GET4: variants seen among roughly 807,000 people sequenced by gnomAD.
GET4 encodes the protein guided entry of tail-anchored proteins factor 4.
In GET4, 20 loss-of-function variants were observed where a neutral mutation model predicts 40.0. That is an observed-to-expected ratio of 0.50 (90% confidence interval 0.35 to 0.73). The LOEUF (loss-of-function observed/expected upper bound fraction) is 0.73. Ranked by LOEUF, GET4 falls within the 30% of genes least tolerant of loss-of-function variation. The pLI is 0.01. For synonymous variants in GET4, 280 were observed against 194.6 expected (o/e 1.44, Z -3.65); for missense variants, 557 against 454.0 (o/e 1.23, Z -2.06).
At chr7:894,698 C>T (rs960304503) in intron 8 of GET4, among the ~76,000 whole-genome samples, 1 of 152,228 alleles carries the variant, frequency 6.6e-6, no homozygotes, top group African/African-American at 2.4e-5. Flanking sequence ...CAGGGCGTGT[C>T]CTGAGATGGG....
intron 4 of GET4, among the ~76,000 whole-genome samples, chr7:890,651 A>C (rs545141727): frequency 1.8e-4 from 27 of 152,232 alleles, no homozygotes; most frequent in African/African-American, 6.5e-4. Context: ...TATCACAACG[A>C]ACATTAGTGC....
rs527878380 is a variant in GET4 at position 895,182 on chromosome 7, C to T, written c.896-152C>T. ...CCCTGGCCTCCAGAGTGTCCTGTCC[C>T]GGGGTTCCTGGGTCGTAGACAGTAG... On this transcript the variant is annotated intron_variant, in intron 8 of 8. Coordinates refer to ENST00000265857, the MANE Select transcript of GET4 (RefSeq NM_015949.3). 2.3e-4 allele frequency: 111 copies of T among 473,694 alleles called. 1 individual carries two copies. Among genetic ancestry groups the T allele is most frequent in the South Asian group, 9.9e-4 (28 of 28,312 alleles). 29.3% of individuals were successfully genotyped at this position (473,694 alleles called of 1,614,324 possible). A position where few individuals can be genotyped will look rare whatever the true frequency, so the allele number is the denominator to read the frequency against.
At chr7:884,179 T>C (rs1446617391) in intron 1 of GET4, 37 of 1,297,610 alleles carry the variant, frequency 2.9e-5, no homozygotes, top group East Asian at 5.6e-5. Context: ...CAGAAGCTGG[T>C]GTGGTGCTTG....
chr7:881,925 T>C (rs1302591658), intron 1 of GET4: 2 of 152,242 alleles, frequency 1.3e-5, no homozygotes, highest in Admixed American at 6.5e-5. Flanking sequence ...GGAAGTGTAG[T>C]GCCCGGGATT....
rs1321532359 is a variant in GET4, at chr7:876,776, A to C, written c.131A>C (p.Gln44Pro). 7.6e-7 allele frequency: 1 copy of C among 1,323,096 alleles called. No individual in the cohort carries two copies. Among genetic ancestry groups the C allele is most frequent in the African/African-American group, 1.6e-5 (1 of 63,760 alleles). 82.0% of individuals were successfully genotyped at this position (1,323,096 alleles called of 1,614,324 possible). ...AAGGGCGACTACTACGAGGCGCACCAGATGTACCGGACCCTGTTCTTCAGG... is the reference window on the plus strand; with the variant it reads ...AAGGGCGACTACTACGAGGCGCACCCGATGTACCGGACCCTGTTCTTCAGG... ...VEKGDYYEAHQMYRTLFFRYM... is the reference protein window; with the variant it reads ...VEKGDYYEAHPMYRTLFFRYM... Residue 44 changes from glutamine to proline, a missense_variant, in exon 1 of 9, where the codon CAG becomes CCG. Coordinates refer to ENST00000265857, the MANE Select transcript of GET4 (RefSeq NM_015949.3).
chr7:886,325 G>T, intron 2 of GET4, 191 bp downstream of exon 2: 1 of 608,756 alleles, frequency 1.6e-6, no homozygotes, highest in Admixed American at 2.9e-5. Flanking sequence ...GGGGCTCTGC[G>T]CTGCGTTTGT....
At chr7:879,341 C>T (rs1185411464) in intron 1 of GET4, among the ~76,000 whole-genome samples, 3 of 152,230 alleles carry the variant, frequency 2.0e-5, no homozygotes, top group Non-Finnish European at 2.9e-5. Flanking sequence ...GCAGCCCCAG[C>T]CACGGAGTGG....
chr7:877,181 C>T (rs1654603739), intron 1 of GET4, among the ~76,000 whole-genome samples: 1 of 140,066 alleles, frequency 7.1e-6, no homozygotes, highest in African/African-American at 2.7e-5. Context: ...CCGGCCGCCT[C>T]CCCCGCCCCA....
At chr7:894,310 T>C (rs1199720338) in intron 8 of GET4, among the ~76,000 whole-genome samples, 1 of 152,152 alleles carries the variant, frequency 6.6e-6, no homozygotes, top group Non-Finnish European at 1.5e-5. Context: ...CCCGGGACGC[T>C]GCCAGCCGTC....
At chr7:878,235 A>C in intron 1 of GET4, 1 of 470,486 alleles carries the variant, frequency 2.1e-6, no homozygotes, top group South Asian at 1.5e-5. Flanking sequence ...TGGAAGTTCC[A>C]GGCTGCTGCG....
chr7:892,540 TATATGC>T, intron 6 of GET4, 122 bp downstream of exon 6: 1 of 1,027,072 alleles, frequency 9.7e-7, no homozygotes, highest in African/African-American at 1.6e-5. Flanking sequence ...GCCGTGTGGG[TATATGC>T]ATAGGGTATG....
chr7:885,725 C>T (rs1390768257), intron 1 of GET4: 7 of 286,100 alleles, frequency 2.4e-5, no homozygotes, highest in Non-Finnish European at 4.7e-5. Flanking sequence ...ATCCCCTGCT[C>T]CTTCCCTGCG....
At chr7:883,679 C>T in intron 1 of GET4, 1 of 985,696 alleles carries the variant, frequency 1.0e-6, no homozygotes, top group Non-Finnish European at 1.2e-6. Flanking sequence ...CAGAGCCGGG[C>T]CGGGAGAAGG....
chr7:891,383 C>T (rs1254002144), intron 5 of GET4, among the ~76,000 whole-genome samples: 3 of 152,276 alleles, frequency 2.0e-5, no homozygotes, highest in South Asian at 2.1e-4. Flanking sequence ...TTCTTTCCCG[C>T]ACTATCTGGA....
At chr7:879,885 T>G (rs907424094) in intron 1 of GET4, 2 of 152,214 alleles carry the variant, frequency 1.3e-5, no homozygotes, top group East Asian at 1.9e-4. Context: ...TCAACCCGAT[T>G]GTTCTTCAGG....
At chr7:880,373 C>T (rs997605651) in intron 1 of GET4, 2 of 152,224 alleles carry the variant, frequency 1.3e-5, no homozygotes, top group Admixed American at 1.3e-4. Context: ...AGTGATTAAC[C>T]AGCAAAAATG....
chr7:892,310 C>A lies in GET4; in HGVS notation c.638C>A (p.Ser213Ter). 6.3e-7 allele frequency: 1 copy of A among 1,592,590 alleles called. No individual in the cohort carries two copies. Among genetic ancestry groups the A allele is most frequent in the Non-Finnish European group, 8.6e-7 (1 of 1,161,850 alleles). ...TGTTTAAAAAACAAAAGTAGCGCAT[C>A]GGTGGTCTTCACGACGTACACCCAG... is the stretch of plus-strand genomic sequence containing the variant. ...FLCLKNKSSA[S>*]VVFTTYTQKH... Residue 213 changes from serine to a stop codon, truncating the protein, a stop_gained, in exon 6 of 9, where the codon TCG becomes TAG. Coordinates refer to ENST00000265857, the MANE Select transcript of GET4 (RefSeq NM_015949.3). LOFTEE classifies it high-confidence loss of function.
chr7:878,043 C>T (rs1844004071), intron 1 of GET4: 3 of 271,566 alleles, frequency 1.1e-5, no homozygotes, highest in South Asian at 3.4e-5. Context: ...TTCCTCTCAC[C>T]GAGGGTCCAG....
chr7:892,953 G>A (rs1844362984), intron 6 of GET4, among the ~76,000 whole-genome samples: 1 of 151,770 alleles, frequency 6.6e-6, no homozygotes, highest in Non-Finnish European at 1.5e-5. Flanking sequence ...TGGGTTGCTG[G>A]GTGTGTGCAG....
Sources: allele counts gnomAD v4.1 joint callset (sites outside exome capture counted in the v4.1 genomes callset), GRCh38; gene constraint gnomAD v4.1.1; transcripts MANE v1.5; gene names NCBI Gene and HGNC (gene_info 2026-07-23, HGNC 2026-07-21).